ATG2A: variants seen among roughly 807,000 people sequenced by gnomAD.
The protein encoded by ATG2A is autophagy-related protein 2 homolog A.
In ATG2A, 103 loss-of-function variants were observed where a neutral mutation model predicts 214.2. That is an observed-to-expected ratio of 0.48 (90% CI 0.41 to 0.57). The LOEUF (loss-of-function observed/expected upper bound fraction) is 0.57, where lower values mean the gene tolerates loss of function less well. Ranked by LOEUF, ATG2A falls within the 20% of genes least tolerant of loss-of-function variation. ATG2A has a pLI of 0.00. For missense variants in ATG2A, 2,312 were observed against 2,613.2 expected (o/e 0.88, Z 2.51); for synonymous variants, 1,160 against 1,142.1 (o/e 1.02, Z -0.32).
chr11:64,898,818 G>A lies in ATG2A; in HGVS notation c.4489C>T (p.Pro1497Ser), dbSNP rs567842547. 5.0e-6 allele frequency: 8 copies of A among 1,611,732 alleles called. No individual in the cohort carries two copies. The highest frequency in any genetic ancestry group is 5.9e-6 in the Non-Finnish European group (7 of 1,179,904). ...GCAGGGCCTGTGGCTGGCTCCGCTG[G>A]GTACACCTCGTGCTGGAAGCTTACC... The part of the protein sequence containing the change: ...SKVSFQHEVY[P>S]AEPATGPAAP... Residue 1497 changes from proline (P) to serine (S), a missense_variant, in exon 32 of 41, where the codon CCA becomes TCA. Transcript: ENST00000377264. The surrounding 1 kb of genome is among the most constrained non-coding windows in gnomAD (Gnocchi z 4.5).
Position 64,894,924 on chromosome 11 carries a change from G to A in ATG2A, c.*49C>T. The A allele has an allele frequency of 6.3e-7, 1 of 1,599,518 alleles. No homozygotes were observed. The highest frequency in any genetic ancestry group is 8.5e-7 in the Non-Finnish European group (1 of 1,170,630). ...GCCCGTGGGCTGCAGCTCTTGGGAG[G>A]CTCAGGAGCATGGTGGGCAGCACCC... On this transcript the variant is annotated 3_prime_UTR_variant, in exon 41 of 41. Transcript: ENST00000377264.
Position 64,909,831 on chromosome 11 carries a change from G to A in ATG2A, c.1957C>T (p.Arg653Trp), listed in dbSNP as rs753373151. The A allele has an allele frequency of 1.1e-5, 17 of 1,610,576 alleles. No homozygotes were observed. Among genetic ancestry groups the A allele is most frequent in the Admixed American group, 3.3e-5 (2 of 59,946 alleles). The change falls in exon 14 of 41, where the codon CGG becomes TGG. Residue 653 changes from arginine to tryptophan, a missense_variant. Arg to Trp is a moderately radical substitution (Grantham distance 101). Transcript: ENST00000377264. ...CCCGCCCAGGGGTCCGGCTCAGGCCGCAGGTCGGCAATGGGGAAGCGCAGC... is the reference window on the plus strand; with the variant it reads ...CCCGCCCAGGGGTCCGGCTCAGGCCACAGGTCGGCAATGGGGAAGCGCAGC... ...LRLRFPIADL[R>W]PEPDPWAGQA...
rs760314174 is a variant in ATG2A at position 64,911,028 on chromosome 11, G to C, written c.1466+10C>G. The C allele has an allele frequency of 2.5e-6, 4 of 1,613,928 alleles. No individual in the cohort carries two copies. Among genetic ancestry groups the C allele is most frequent in the Non-Finnish European group, 3.4e-6 (4 of 1,180,038 alleles). ...TGGTCTCTCCTCAGGCCCTGGCCTC[G>C]GGCTTATACCGAACATGGCTACAGG... On this transcript the variant is annotated intron_variant, in intron 10 of 40. Transcript: ENST00000377264.
Position 64,907,249 on chromosome 11 carries a change from A to G in ATG2A, c.2832+6T>C, listed in dbSNP as rs1417106007. ...TTGGGGCCCGCCTGCCCGGGGCTGC[A>G]CTCACCTTGGTCTCACAGAGGGCTG... On this transcript the variant is annotated splice_donor_region_variant and intron_variant, in intron 19 of 40. Transcript: ENST00000377264. The G allele has an allele frequency of 6.0e-6, 9 of 1,496,228 alleles. No individual in the cohort carries two copies. The Admixed American group carries it at 1.2e-4, about 20-fold the overall frequency. 92.7% of individuals were successfully genotyped at this position (1,496,228 alleles called of 1,614,324 possible). A position where few individuals can be genotyped will look rare whatever the true frequency, so the allele number is the denominator to read the frequency against.
At position 64,894,743 on chromosome 11, in the gene ATG2A, G is replaced by C. The variant is rs779984288; in HGVS notation, c.*230C>G. The C allele has an allele frequency of 1.4e-6, 1 of 708,254 alleles. No homozygotes were observed. Among genetic ancestry groups the C allele is most frequent in the Admixed American group, 2.0e-5 (1 of 49,934 alleles). The allele number at this position is 708,254 out of a possible 1,614,324, so 43.9% of individuals were successfully genotyped here. On this transcript the variant is annotated 3_prime_UTR_variant, in exon 41 of 41. Coordinates refer to ENST00000377264, the MANE Select transcript of ATG2A (RefSeq NM_015104.3). ...AGGCAGCAGTGTGGGCCCAGGTCGG[G>C]GGAGGGGCAGTGTCCTTTCTCCCCG...
chr11:64,910,934 T>C lies in ATG2A; in HGVS notation c.1487A>G (p.Gln496Arg). The change falls in exon 11 of 41, where the codon CAG becomes CGG. Residue 496 changes from glutamine to arginine, a missense_variant. Coordinates refer to ENST00000377264, the MANE Select transcript of ATG2A (RefSeq NM_015104.3). ...SHVRLTGTAV[Q>R]LSWELRTGSR... ...GCCCGTCCGCAGCTCCCAGGACAGC[T>C]GCACGGCTGTGCCCGTTAGCCTGCG... 1 of 1,613,296 alleles carries C rather than the reference T, an allele frequency of 6.2e-7. No individual in the cohort carries two copies. Among genetic ancestry groups the C allele is most frequent in the Non-Finnish European group, 8.5e-7 (1 of 1,179,994 alleles).
chr11:64,903,232 C>T lies in ATG2A; in HGVS notation c.3612+56G>A. ...GAGGGAGCAGCAGCCCCTGAAGACTCCCTTGGCCCCTGCACCTGCTGTGGC... is the reference window on the plus strand; with the variant it reads ...GAGGGAGCAGCAGCCCCTGAAGACTTCCTTGGCCCCTGCACCTGCTGTGGC... On this transcript the variant is annotated intron_variant, in intron 26 of 40. Coordinates refer to ENST00000377264, the MANE Select transcript of ATG2A (RefSeq NM_015104.3). The surrounding 1 kb of genome is among the most constrained non-coding windows in gnomAD (Gnocchi z 4.2). 3.9e-6 allele frequency: 6 copies of T among 1,543,030 alleles called. No individual in the cohort carries two copies. Among genetic ancestry groups the T allele is most frequent in the South Asian group, 1.1e-5 (1 of 89,114 alleles).
At position 64,906,392 on chromosome 11, in the gene ATG2A, C is replaced by G; in HGVS notation, c.3125G>C (p.Gly1042Ala). The change falls in exon 21 of 41, where the codon GGA becomes GCA. Residue 1042 changes from glycine (G) to alanine (A), a missense_variant. By Grantham distance (60) the Gly-to-Ala change is moderately conservative (BLOSUM62 0). Transcript: ENST00000377264. The stretch of plus-strand genomic sequence containing the variant: ...CACAGCAGTGGACAACATGTGGGGT[C>G]CCCGGCCCTGGCCCTTGCGGCCCGA... ...GASGRKGQGR[G>A]PHMLSTAVRI... 1 of 1,613,326 alleles carries G rather than the reference C, an allele frequency of 6.2e-7. No homozygotes were observed. The highest frequency in any genetic ancestry group is 8.5e-7 in the Non-Finnish European group (1 of 1,179,986).
At position 64,902,422 on chromosome 11, in the gene ATG2A, G is replaced by A. The variant is rs770341692; in HGVS notation, c.3778-36C>T. On this transcript the variant is annotated intron_variant, in intron 27 of 40. Transcript: ENST00000377264. ...CAGGGGAGGAGCAATGAGTGAGACA[G>A]GACAGAGCTCCCCCAACCCCAGGCC... The A allele has an allele frequency of 3.9e-6, 6 of 1,534,462 alleles. No homozygotes were observed. In the South Asian group the frequency reaches 4.9e-5, roughly 12 times the overall value.
In ATG2A at chr11:64,903,278, CCTCA is replaced by C. The variant is rs755089744; in HGVS notation, c.3612+6_3612+9del. The C allele has an allele frequency of 1.2e-6, 2 of 1,612,826 alleles. No individual in the cohort carries two copies. On this transcript the variant is annotated splice_donor_region_variant and intron_variant, in intron 26 of 40. Transcript: ENST00000377264. This position sits in a 1 kb window ranked among gnomAD's most constrained non-coding sequence, Gnocchi z 4.2. ...GTGGCTCCAGGAGCCAGAGTGACAG[CCTCA>C]CTCACCAGTTTGCCCTCGGTGCTCC...
At chr11:64,906,902 G>T in intron 19 of ATG2A, 87 bp from the exon 20 acceptor site, 1 of 1,461,648 alleles carries the variant, frequency 6.8e-7, no homozygotes, top group Non-Finnish European at 9.2e-7. Context: ...TGGAGCCCTG[G>T]CCTAAGGGGG....
rs1289575401 is a variant in ATG2A at position 64,909,716 on chromosome 11, G to A, written c.2072C>T (p.Pro691Leu). ...ELSSGPGPPV[P>L]THLELTCSDL... ...GGAGCAGGTGAGTTCCAGGTGGGTG[G>A]GGACTGGGGGACCAGGCCCACTGCT... Residue 691 changes from proline to leucine, a missense_variant, in exon 14 of 41, where the codon CCC becomes CTC. Transcript: ENST00000377264. 6.2e-7 allele frequency: 1 copy of A among 1,613,172 alleles called. No individual in the cohort carries two copies. The highest frequency in any genetic ancestry group is 8.5e-7 in the Non-Finnish European group (1 of 1,179,992).
rs115427435 is a variant in ATG2A at position 64,906,210 on chromosome 11, A to G, written c.3184-17T>C. On this transcript the variant is annotated splice_polypyrimidine_tract_variant and intron_variant, in intron 21 of 40. Coordinates refer to ENST00000377264, the MANE Select transcript of ATG2A (RefSeq NM_015104.3). ...CAGGAACTCCTGAGGGTGGGGGCGC[A>G]GTCAGGGCAGTGGGGAGGCCAGCCC... The G allele has an allele frequency of 3.8e-3, 6,069 of 1,611,752 alleles. 192 individuals carry two copies. The African/African-American group carries it at 0.069, about 18-fold the overall frequency.
chr11:64,909,331 C>A lies in ATG2A; in HGVS notation c.2144G>T (p.Cys715Phe). The A allele has an allele frequency of 6.2e-7, 1 of 1,613,598 alleles. No individual in the cohort carries two copies. The highest frequency in any genetic ancestry group is 8.5e-7 in the Non-Finnish European group (1 of 1,179,990). Residue 715 changes from cysteine (C) to phenylalanine (F), a missense_variant, in exon 15 of 41, where the codon TGC (cysteine) becomes TTC (phenylalanine). Transcript: ENST00000377264. ...GTCCAGGGCTTTGGAGACACGCAGG[C>A]AAGGGACAGGTGGCTTCCCTCCATC... ...YEDGGKPPVP[C>F]LRVSKALDPK... is the part of the protein sequence containing the mutation.
chr11:64,897,729 G>T lies in ATG2A; in HGVS notation c.5009C>A (p.Thr1670Lys). 2 of 1,614,234 alleles carry T rather than the reference G, an allele frequency of 1.2e-6. No individual in the cohort carries two copies. The highest frequency in any genetic ancestry group is 1.7e-6 in the Non-Finnish European group (2 of 1,180,022). ...QPIYFREFRF[T>K]SEVPIWLDYH... is the part of the protein sequence containing the mutation. ...ATCCAGCCAGATGGGGACCTCAGAC[G>T]TGAAGCGGAACTCTCTGGGTAGGGG... The change falls in exon 36 of 41, where the codon ACG becomes AAG. Residue 1670 changes from threonine (T) to lysine (K), a missense_variant. By Grantham distance (78) the Thr-to-Lys change is moderately conservative. Coordinates refer to ENST00000377264, the MANE Select transcript of ATG2A (RefSeq NM_015104.3).
At chr11:64,912,502 C>G (rs962120525) in intron 6 of ATG2A, 79 bp from the exon 7 acceptor site, 3 of 1,253,132 alleles carry the variant, frequency 2.4e-6, no homozygotes, top group Non-Finnish European at 3.3e-6. Context: ...CTGCCCTCGC[C>G]CTGGGAAAGC....
At position 64,903,429 on chromosome 11, in the gene ATG2A, G is replaced by C; in HGVS notation, c.3536-65C>G. On this transcript the variant is annotated intron_variant, in intron 25 of 40. Coordinates refer to ENST00000377264, the MANE Select transcript of ATG2A (RefSeq NM_015104.3). The surrounding 1 kb of genome is among the most constrained non-coding windows in gnomAD (Gnocchi z 4.2). ...CACCCGGCCCCGGCCCCAGCACCTG[G>C]GGGAAGGATCCGGTTGATCCAGGTG... is the stretch of plus-strand genomic sequence containing the variant. 6.3e-7 allele frequency: 1 copy of C among 1,585,152 alleles called. No individual in the cohort carries two copies. Among genetic ancestry groups the C allele is most frequent in the Non-Finnish European group, 8.6e-7 (1 of 1,157,374 alleles).
chr11:64,911,135 T>C lies in ATG2A; in HGVS notation c.1369A>G (p.Thr457Ala), dbSNP rs781226520. The C allele has an allele frequency of 4.3e-6, 7 of 1,613,768 alleles. No homozygotes were observed. In the South Asian group the frequency reaches 6.6e-5, roughly 15 times the overall value. The change falls in exon 10 of 41, where the codon ACC (threonine) becomes GCC (alanine). Residue 457 changes from threonine (T) to alanine (A), a missense_variant. Physicochemically the swap from Thr to Ala is moderately conservative, Grantham distance 58 (BLOSUM62 0). Transcript: ENST00000377264. ...CCATCCTTGGTGGCATCAAACTCGGTGAAAAAGTGCGTGGCGAGGTCAGGT... is the reference window on the plus strand; with the variant it reads ...CCATCCTTGGTGGCATCAAACTCGGCGAAAAAGTGCGTGGCGAGGTCAGGT... Reference protein sequence around the residue: ...GPPDLATHFFTEFDATKDGPF... With the variant: ...GPPDLATHFFAEFDATKDGPF...
At chr11:64,906,910 G>T in intron 19 of ATG2A, 95 bp from the exon 20 acceptor site, 1 of 1,430,608 alleles carries the variant, frequency 7.0e-7, no homozygotes, top group Non-Finnish European at 9.3e-7. Context: ...TGGCCTAAGG[G>T]GGTCAGCTCC....
Sources: gnomAD v4.1 joint callset for allele counts on GRCh38, gnomAD v4.1.1 for gene constraint, Gnocchi (gnomAD v3.1) non-coding constraint, MANE v1.5 for transcripts, NCBI Gene and HGNC (gene_info 2026-07-23, HGNC 2026-07-21) for gene names.